Variants in GLDC observed in about 807,000 individuals in gnomAD.
GLDC encodes the protein glycine dehydrogenase (decarboxylating), mitochondrial.
Under a neutral mutation model 121.3 loss-of-function variants are expected in GLDC, and 104 were observed. The ratio of observed to expected loss-of-function variants is 0.86; its 90% CI spans 0.73 to 1.01. The LOEUF (loss-of-function observed/expected upper bound fraction) is 1.01. GLDC is among the 50% of genes least tolerant of loss of function. The pLI is 0.00. For missense variants in GLDC, 1,429 were observed against 1,306.6 expected, an observed-to-expected ratio of 1.09 and a Z score of -1.44; for synonymous variants, 546 against 480.6, an observed-to-expected ratio of 1.14 and a Z score of -1.78.
In GLDC at chr9:6,592,227, C is replaced by G. The variant is rs780220151; in HGVS notation, c.1402-4G>C. 3 of 1,572,620 alleles carry G rather than the reference C, an allele frequency of 1.9e-6. No individual in the cohort carries two copies. In the African/African-American group the frequency reaches 4.0e-5, roughly 21 times the overall value. On this transcript the variant is annotated splice_polypyrimidine_tract_variant and splice_region_variant and intron_variant, in intron 10 of 24. Transcript: ENST00000321612. ...TTTCATCAAGAGAAATACCAAGCTACAGAAACACAAACAAAATGGAAAACA... is the reference window on the plus strand; with the variant it reads ...TTTCATCAAGAGAAATACCAAGCTAGAGAAACACAAACAAAATGGAAAACA...
intron 19 of GLDC, among the ~76,000 whole-genome samples, chr9:6,553,896 T>C (rs1817565048): frequency 6.6e-6 from 1 of 151,842 alleles, no homozygotes; most frequent in African/African-American, 2.4e-5. Context: ...TGAACATCAT[T>C]CTCCCCACCT....
At position 6,536,139 on chromosome 9, in the gene GLDC, A is replaced by G. The variant is rs2129649657; in HGVS notation, c.2763T>C (p.Asp921=). Residue 921 remains aspartate (D), a synonymous_variant, in exon 23 of 25, where the codon GAT becomes GAC. Transcript: ENST00000321612. The stretch of plus-strand genomic sequence containing the variant: ...TTTCCTGCCGAATGCTGATCATGGC[A>G]TCACAGAATCTGTCCAGCTCTGCCT... ...EDKAELDRFC[D]AMISIRQEIA... The G allele has an allele frequency of 2.5e-6, 4 of 1,614,120 alleles. No individual in the cohort carries two copies. Among genetic ancestry groups the G allele is most frequent in the Admixed American group, 1.7e-5 (1 of 60,020 alleles).
chr9:6,639,383 T>G, intron 2 of GLDC: 2 of 882,744 alleles, frequency 2.3e-6, no homozygotes, highest in Non-Finnish European at 1.8e-6. Context: ...AAGTTTACGC[T>G]GACCACTGAG....
chr9:6,590,290 T>C (rs887328495), intron 11 of GLDC, among the ~76,000 whole-genome samples: 8 of 152,152 alleles, frequency 5.3e-5, no homozygotes, highest in Non-Finnish European at 7.3e-5. Context: ...AAGGATTTAA[T>C]ATCCAGAATA....
intron 15 of GLDC, among the ~76,000 whole-genome samples, chr9:6,566,234 T>A (rs1223480597): frequency 6.6e-6 from 1 of 152,148 alleles, no homozygotes; most frequent in Non-Finnish European, 1.5e-5. Flanking sequence ...CAGAGTGAGA[T>A]CCCGTCTCAA....
At chr9:6,629,028 C>T (rs780383752) in intron 2 of GLDC, among the ~76,000 whole-genome samples, 3 of 151,710 alleles carry the variant, frequency 2.0e-5, no homozygotes, top group African/African-American at 4.8e-5. Context: ...TAAGAACTTG[C>T]GCTGCTTCTG....
intron 18 of GLDC, among the ~76,000 whole-genome samples, chr9:6,555,094 C>T (rs758120591): frequency 5.3e-5 from 8 of 152,238 alleles, no homozygotes; most frequent in Non-Finnish European, 8.8e-5. Context: ...AGAGAAGTGT[C>T]TCTAACACAA....
intron 2 of GLDC, among the ~76,000 whole-genome samples, chr9:6,642,030 C>T (rs1365475778): frequency 6.6e-6 from 1 of 152,212 alleles, no homozygotes; most frequent in Non-Finnish European, 1.5e-5. Flanking sequence ...GACACGTGCA[C>T]ACCTCAGAGT....
intron 11 of GLDC, among the ~76,000 whole-genome samples, chr9:6,590,977 A>G (rs72695533): frequency 0.22 from 33,040 of 151,884 alleles, 4,049 homozygotes; most frequent in Middle Eastern, 0.28. Context: ...AGGTATTTCT[A>G]CTTCCTTTCA....
chr9:6,619,351 A>G (rs1819033628), intron 3 of GLDC, among the ~76,000 whole-genome samples: 1 of 150,580 alleles, frequency 6.6e-6, no homozygotes, highest in African/African-American at 2.4e-5. Context: ...CTCCAACACC[A>G]TGTCTTTTTG....
rs1818319063 is a variant in GLDC at position 6,588,761 on chromosome 9, C to T, written c.1581-59G>A. 1.3e-5 allele frequency: 13 copies of T among 980,160 alleles called. 1 individual carries two copies. The highest frequency in any genetic ancestry group is 1.3e-4 in the South Asian group (10 of 78,280). 60.7% of individuals were successfully genotyped at this position (980,160 alleles called of 1,614,324 possible). On this transcript the variant is annotated intron_variant, in intron 12 of 24. Coordinates refer to ENST00000321612, the MANE Select transcript of GLDC (RefSeq NM_000170.3). ...AAAGTAGATATGAGTCCATGCACAT[C>T]CTCCTGACATATAAGACACACCGAA...
chr9:6,605,191 T>C lies in GLDC; in HGVS notation c.801A>G (p.Pro267=). Residue 267 remains proline, a synonymous_variant, in exon 6 of 25, where the codon CCA becomes CCG. Coordinates refer to ENST00000321612, the MANE Select transcript of GLDC (RefSeq NM_000170.3). ...KDVSGVLFQY[P]DTEGKVEDFT... ...AGTCTTCCACCTTCCCCTCCGTGTC[T>C]GGGTACTGGAACAACACTCCACTGA... The C allele has an allele frequency of 6.2e-7, 1 of 1,613,772 alleles. No homozygotes were observed. Among genetic ancestry groups the C allele is most frequent in the Non-Finnish European group, 8.5e-7 (1 of 1,179,790 alleles).
chr9:6,639,080 C>G, intron 2 of GLDC: 1 of 674,084 alleles, frequency 1.5e-6, no homozygotes, highest in South Asian at 1.6e-5. Flanking sequence ...AATTAGGCAA[C>G]AAGGTGACAG....
At chr9:6,618,895 G>T (rs1237155083) in intron 3 of GLDC, among the ~76,000 whole-genome samples, 2 of 151,952 alleles carry the variant, frequency 1.3e-5, no homozygotes, top group African/African-American at 4.8e-5. Context: ...TGTAATCCCA[G>T]CCCTCTGGGA....
rs1213954783 is a variant in GLDC at position 6,623,143 on chromosome 9, T to G, written c.335-2824A>C. 4.5e-4 allele frequency: 80 copies of G among 177,126 alleles called. 1 individual carries two copies. The highest frequency in any genetic ancestry group is 1.5e-3 in the East Asian group (7 of 4,596). 11.0% of individuals were successfully genotyped at this position (177,126 alleles called of 1,614,324 possible). ...CCAACAGCTCATTGAGAACGGGCCA[T>G]GATGACAATGGCGGTTTTGTGGAAT... On this transcript the variant is annotated intron_variant, in intron 2 of 24. Coordinates refer to ENST00000321612, the MANE Select transcript of GLDC (RefSeq NM_000170.3).
chr9:6,622,289 CG>C (rs969157248), intron 2 of GLDC, among the ~76,000 whole-genome samples: 4 of 151,034 alleles, frequency 2.6e-5, no homozygotes, highest in Middle Eastern at 3.2e-3. Flanking sequence ...CCTCTTTCCA[CG>C]GGCCGAAGCT....
At chr9:6,633,819 A>ATTTTTT (rs1563871993) in intron 2 of GLDC, among the ~76,000 whole-genome samples, 1 of 107,786 alleles carries the variant, frequency 9.3e-6, no homozygotes, top group African/African-American at 4.5e-5. Context: ...AGGCAGGAGA[A>ATTTTTT]TCTTTTTTTT....
At chr9:6,635,431 T>G (rs139884606) in intron 2 of GLDC, among the ~76,000 whole-genome samples, 2 of 152,314 alleles carry the variant, frequency 1.3e-5, no homozygotes, top group Non-Finnish European at 2.9e-5. Flanking sequence ...TGTACCATAA[T>G]AGCCCTCAAG....
Position 6,534,665 on chromosome 9 carries a change from C to T in GLDC, c.2919+43G>A, listed in dbSNP as rs758426902. ...GTACACCCGTCAGGATAGGAGCTGG[C>T]CCATGCCTTCCCAGCTGGCACATTC... On this transcript the variant is annotated intron_variant, in intron 24 of 24. Transcript: ENST00000321612. The T allele has an allele frequency of 1.5e-5, 15 of 1,005,986 alleles. No individual in the cohort carries two copies. The East Asian group carries it at 3.6e-4, about 24-fold the overall frequency. The allele number at this position is 1,005,986 out of a possible 1,614,324, so 62.3% of individuals were successfully genotyped here. A position where few individuals can be genotyped will look rare whatever the true frequency, so the allele number is the denominator to read the frequency against.
Sources: allele counts gnomAD v4.1 joint callset (sites outside exome capture counted in the v4.1 genomes callset), GRCh38; gene constraint gnomAD v4.1.1; transcripts MANE v1.5; gene names NCBI Gene and HGNC (gene_info 2026-07-23, HGNC 2026-07-21).